PIGG: variants seen among roughly 807,000 people sequenced by gnomAD.
PIGG encodes the protein phosphatidylinositol glycan anchor biosynthesis class G (EMM blood group).
A neutral mutation model predicts 83.2 loss-of-function variants in PIGG; 70 were observed. The ratio of observed to expected loss-of-function variants is 0.84; its 90% CI spans 0.69 to 1.03. PIGG has a LOEUF of 1.03. Ranked by LOEUF, PIGG falls within the 50% of genes least tolerant of loss-of-function variation. The probability of loss-of-function intolerance (pLI) is 0.00; values close to 1 mark genes in which losing one functional copy is unlikely to be tolerated. For missense variants in PIGG, 1,257 were observed against 1,233.6 expected (o/e 1.02, Z -0.28); for synonymous variants, 532 against 519.5 (o/e 1.02, Z -0.33).
At chr4:500,638 G>A in intron 2 of PIGG, 37 bp downstream of exon 2, 1 of 1,373,134 alleles carries the variant, frequency 7.3e-7, no homozygotes, top group Non-Finnish European at 1.0e-6. Context: ...TCATGGTTTG[G>A]CTGTTTTGAA....
At chr4:527,912 C>T in intron 10 of PIGG, 1 of 985,314 alleles carries the variant, frequency 1.0e-6, no homozygotes, top group Non-Finnish European at 1.2e-6. Context: ...ATAGCTGTTT[C>T]CATTTATCTC....
At chr4:526,973 A>G (rs1419608724) in intron 9 of PIGG, 66 bp from the exon 10 acceptor site, 17 of 1,577,198 alleles carry the variant, frequency 1.1e-5, no homozygotes. Context: ...TTTGAAAGCC[A>G]CTTGGTGTAG....
At chr4:506,915 G>A (rs1719928022) in intron 3 of PIGG, 4 of 390,292 alleles carry the variant, frequency 1.0e-5, no homozygotes, top group Admixed American at 1.0e-4. Flanking sequence ...GTTACCTCAT[G>A]ACAACTTGGG....
chr4:504,471 A>G (rs1374367672), intron 2 of PIGG, among the ~76,000 whole-genome samples: 1 of 152,206 alleles, frequency 6.6e-6, no homozygotes, highest in Non-Finnish European at 1.5e-5. Flanking sequence ...GCACTTCTCA[A>G]TCTGTTCTAT....
intron 9 of PIGG, among the ~76,000 whole-genome samples, chr4:526,534 G>A (rs1044109010): frequency 5.9e-5 from 9 of 152,196 alleles, no homozygotes; most frequent in Non-Finnish European, 1.0e-4. Context: ...CGTATCATGC[G>A]TTACTGAGTT....
chr4:516,320 T>C (rs1200065650), intron 6 of PIGG, 135 bp downstream of exon 6: 1 of 636,324 alleles, frequency 1.6e-6, no homozygotes, highest in Admixed American at 2.6e-5. Context: ...TGATACAGAT[T>C]GTGTTTCTGT....
rs1553873867 is a variant in PIGG, at chr4:499,300, T to C, written c.-36T>C. 6.3e-7 allele frequency: 1 copy of C among 1,595,586 alleles called. No homozygotes were observed. On this transcript the variant is annotated 5_prime_UTR_variant, in exon 1 of 13. Coordinates refer to ENST00000453061, the MANE Select transcript of PIGG (RefSeq NM_001127178.3). ...GGCTGCAGCAGGGCGAGGCTCCAGGTGGGGTCGGTTCCGCATCCAGCCTAG... is the reference window on the plus strand; with the variant it reads ...GGCTGCAGCAGGGCGAGGCTCCAGGCGGGGTCGGTTCCGCATCCAGCCTAG...
chr4:539,594 CT>C lies in PIGG; in HGVS notation c.*226del, dbSNP rs1267371413. On this transcript the variant is annotated 3_prime_UTR_variant, in exon 13 of 13. Transcript: ENST00000453061. ...GAAGCTTCTGAACTTTTAATTTCCT[CT>C]GAATAAGCTATGGTGTGACCCAAAT... 1.9e-6 allele frequency: 1 copy of C among 518,784 alleles called. No homozygotes were observed. Among genetic ancestry groups the C allele is most frequent in the Admixed American group, 3.5e-5 (1 of 28,468 alleles). The allele number at this position is 518,784 out of a possible 1,614,324, so 32.1% of individuals were successfully genotyped here. A position where few individuals can be genotyped will look rare whatever the true frequency, so the allele number is the denominator to read the frequency against.
At chr4:511,131 T>C (rs782203136) in intron 5 of PIGG, among the ~76,000 whole-genome samples, 1 of 151,966 alleles carries the variant, frequency 6.6e-6, no homozygotes, top group Non-Finnish European at 1.5e-5. Context: ...CCGTCTCTAC[T>C]AAAAATACAA....
chr4:511,675 T>G (rs1163780177), intron 5 of PIGG, among the ~76,000 whole-genome samples: 2 of 152,274 alleles, frequency 1.3e-5, no homozygotes, highest in African/African-American at 4.8e-5. Context: ...TTCATAATTA[T>G]ATGATTACCT....
intron 5 of PIGG, among the ~76,000 whole-genome samples, chr4:513,093 G>C (rs1196071635): frequency 4.6e-5 from 7 of 152,168 alleles, no homozygotes; most frequent in Non-Finnish European, 7.3e-5. Context: ...AGACTCTTAG[G>C]CTTCTTACCA....
chr4:499,296 C>A lies in PIGG; in HGVS notation c.-40C>A. On this transcript the variant is annotated 5_prime_UTR_variant, in exon 1 of 13. Transcript: ENST00000453061. ...GCGCGGCTGCAGCAGGGCGAGGCTC[C>A]AGGTGGGGTCGGTTCCGCATCCAGC... 1 of 1,594,546 alleles carries A rather than the reference C, an allele frequency of 6.3e-7. No homozygotes were observed. Among genetic ancestry groups the A allele is most frequent in the Non-Finnish European group, 8.5e-7 (1 of 1,176,098 alleles).
At position 516,411 on chromosome 4, in the gene PIGG, C is replaced by G. The variant is rs187957399; in HGVS notation, c.1114+226C>G. Among the ~76,000 whole-genome samples the G allele has an allele frequency of 4.4e-3, 671 of 152,298 alleles. 3 individuals carry two copies. The highest frequency in any genetic ancestry group is 0.015 in the African/African-American group (628 of 41,556). ...AAGTTCTTTCATAAATTTATTCATT[C>G]AACAACTATTTACCAGGATCTTGTT... is the stretch of plus-strand genomic sequence containing the variant. On this transcript the variant is annotated intron_variant, in intron 6 of 12. Transcript: ENST00000453061.
chr4:533,833 A>G lies in PIGG; in HGVS notation c.2587A>G (p.Ile863Val). Residue 863 changes from isoleucine (I) to valine (V), a missense_variant, in exon 12 of 13, where the codon ATT (isoleucine) becomes GTT (valine). Transcript: ENST00000453061. ...TGTATTCCAGGGCAACTCCAACAAC[A>G]TTGCCACCGTGGACATCTCCGCAGG... ...FFYFQGNSNNIATVDISAGFV... is the reference protein window; with the variant it reads ...FFYFQGNSNNVATVDISAGFV... 2 of 1,614,148 alleles carry G rather than the reference A, an allele frequency of 1.2e-6. No homozygotes were observed. The highest frequency in any genetic ancestry group is 4.5e-5 in the East Asian group (2 of 44,870).
intron 5 of PIGG, among the ~76,000 whole-genome samples, chr4:509,285 A>C (rs1184002399): frequency 6.6e-6 from 1 of 152,216 alleles, no homozygotes; most frequent in Non-Finnish European, 1.5e-5. Context: ...GGAAACGTGA[A>C]TACCTCGGCT....
intron 2 of PIGG, 41 bp from the exon 3 acceptor site, chr4:505,677 T>G: frequency 6.9e-7 from 1 of 1,457,238 alleles, no homozygotes; most frequent in Non-Finnish European, 9.6e-7. Context: ...ATGCTCCGGT[T>G]TTGGATTCAG....
chr4:536,462 G>A (rs1577165951), intron 12 of PIGG: 1 of 152,418 alleles, frequency 6.6e-6, no homozygotes. Context: ...CTGAGGCTCT[G>A]CGGGCGGAAG....
intron 5 of PIGG, among the ~76,000 whole-genome samples, chr4:514,816 C>T (rs181113185): frequency 1.4e-4 from 22 of 152,290 alleles, no homozygotes; most frequent in Admixed American, 1.4e-3. Context: ...GCAATAGACA[C>T]GCAACAGTCT....
intron 5 of PIGG, among the ~76,000 whole-genome samples, chr4:514,761 A>G (rs941488127): frequency 6.6e-6 from 1 of 152,238 alleles, no homozygotes; most frequent in African/African-American, 2.4e-5. Flanking sequence ...AACTCCAGAT[A>G]TGATAGAATT....
Sources: allele counts gnomAD v4.1 joint callset (sites outside exome capture counted in the v4.1 genomes callset), GRCh38; gene constraint gnomAD v4.1.1; transcripts MANE v1.5; gene names NCBI Gene and HGNC (gene_info 2026-07-23, HGNC 2026-07-21).